Variants in CAMSAP2 observed in about 807,000 individuals in gnomAD.
CAMSAP2 encodes the protein calmodulin-regulated spectrin-associated protein 2.
CAMSAP2 carries 26 observed loss-of-function variants against 146.1 expected under a neutral mutation model. The observed-to-expected ratio is 0.18, with a 90% CI of 0.13 to 0.25. CAMSAP2 has a LOEUF of 0.25. Among genes scored for constraint, CAMSAP2 ranks in the 10% least tolerant of loss-of-function variants. The pLI is 1.00. For synonymous variants in CAMSAP2, 499 were observed against 596.6 expected (o/e 0.84, Z 2.38); for missense variants, 1,381 against 1,759.3 (o/e 0.78, Z 3.85).
rs560063940 is a variant in CAMSAP2, at chr1:200,817,177, T to C, written c.645+1533T>C. On this transcript the variant is annotated intron_variant, in intron 4 of 16. Transcript: ENST00000358823. ...ACACATACACACACGTGTGTGTATATACACACACACACATGTGTGTGTGTA... is the reference window on the plus strand; with the variant it reads ...ACACATACACACACGTGTGTGTATACACACACACACACATGTGTGTGTGTA... 8.4e-3 allele frequency among the ~76,000 whole-genome samples: 455 copies of C among 54,220 alleles called. 4 individuals are homozygous for C. The highest frequency in any genetic ancestry group is 0.011 in the African/African-American group (95 of 8,698). 35.6% of individuals were successfully genotyped at this position (54,220 alleles called of 152,430 possible).
chr1:200,807,339 A>G lies in CAMSAP2; in HGVS notation c.400-37A>G, dbSNP rs556798899. ...TATGTAAAAAGCAATTTCTAAATAT[A>G]ATTTTTAAACTATTTGTTCTTGTTT... On this transcript the variant is annotated intron_variant, in intron 2 of 16. Coordinates refer to ENST00000358823, the MANE Select transcript of CAMSAP2 (RefSeq NM_203459.4). The G allele has an allele frequency of 2.1e-5, 29 of 1,401,170 alleles. No homozygotes were observed. In the South Asian group the frequency reaches 5.3e-4, roughly 26 times the overall value. The allele number at this position is 1,401,170 out of a possible 1,614,324, so 86.8% of individuals were successfully genotyped here.
At chr1:200,822,493 T>G (rs1254819346) in intron 4 of CAMSAP2, among the ~76,000 whole-genome samples, 3 of 152,230 alleles carry the variant, frequency 2.0e-5, no homozygotes, top group Non-Finnish European at 4.4e-5. Flanking sequence ...TTCCTCATTA[T>G]TAGATGAAGG....
In CAMSAP2 at chr1:200,739,753, T is replaced by C. The variant is rs1331474177; in HGVS notation, c.-75T>C. 1 of 828,932 alleles carries C rather than the reference T, an allele frequency of 1.2e-6. No homozygotes were observed. The highest frequency in any genetic ancestry group is 1.8e-6 in the Non-Finnish European group (1 of 552,194). 51.3% of individuals were successfully genotyped at this position (828,932 alleles called of 1,614,324 possible). A position where few individuals can be genotyped will look rare whatever the true frequency, so the allele number is the denominator to read the frequency against. On this transcript the variant is annotated 5_prime_UTR_variant, in exon 1 of 17. Coordinates refer to ENST00000358823, the MANE Select transcript of CAMSAP2 (RefSeq NM_203459.4). The surrounding 1 kb of genome is among the most constrained non-coding windows in gnomAD (Gnocchi z 4.8). The stretch of plus-strand genomic sequence containing the variant: ...TGGTTTGAGCTTGCTTCTCCCTCCC[T>C]CCCGACCCCCGTGGTGGCGAGGCCA...
intron 3 of CAMSAP2, among the ~76,000 whole-genome samples, chr1:200,815,282 C>A (rs1297210717): frequency 1.3e-5 from 2 of 152,130 alleles, no homozygotes; most frequent in African/African-American, 4.8e-5. Context: ...ACTGACATTA[C>A]CAAGTACCTT....
chr1:200,785,855 T>A (rs1169309567), intron 2 of CAMSAP2, among the ~76,000 whole-genome samples: 1 of 152,030 alleles, frequency 6.6e-6, no homozygotes, highest in Non-Finnish European at 1.5e-5. Flanking sequence ...TCCTGGCTAA[T>A]TTTTTGTATT....
chr1:200,833,794 T>C (rs543241778), intron 6 of CAMSAP2, among the ~76,000 whole-genome samples: 1 of 152,308 alleles, frequency 6.6e-6, no homozygotes, highest in African/African-American at 2.4e-5. Context: ...ATATATGATA[T>C]GTATAGTTAA....
intron 1 of CAMSAP2, among the ~76,000 whole-genome samples, chr1:200,742,866 G>A (rs952277160): frequency 6.6e-6 from 1 of 151,924 alleles, no homozygotes; most frequent in Non-Finnish European, 1.5e-5. Flanking sequence ...CACTGATGTT[G>A]TAATACCTAG....
Position 200,739,087 on chromosome 1 carries a change from A to G in CAMSAP2, c.-741A>G, listed in dbSNP as rs1664067406. ...CCGGCCACCACCTTCGCCGTCAGCA[A>G]GGGAGGAAGACCCGGGAGACGGCAG... On this transcript the variant is annotated 5_prime_UTR_variant, in exon 1 of 17. Transcript: ENST00000358823. This position sits in a 1 kb window ranked among gnomAD's most constrained non-coding sequence, Gnocchi z 4.8. 6.6e-6 allele frequency among the ~76,000 whole-genome samples: 1 copy of G among 151,836 alleles called. No individual in the cohort carries two copies.
chr1:200,815,565 A>G lies in CAMSAP2; in HGVS notation c.566A>G (p.Asn189Ser), dbSNP rs41308391. 2 of 1,509,106 alleles carry G rather than the reference A, an allele frequency of 1.3e-6. No homozygotes were observed. The highest frequency in any genetic ancestry group is 1.8e-6 in the Non-Finnish European group (2 of 1,112,482). The allele number at this position is 1,509,106 out of a possible 1,614,324, so 93.5% of individuals were successfully genotyped here. A position where few individuals can be genotyped will look rare whatever the true frequency, so the allele number is the denominator to read the frequency against. The change falls in exon 4 of 17, where the codon AAT becomes AGT. Residue 189 changes from asparagine to serine, a missense_variant. By Grantham distance (46) the Asn-to-Ser change is conservative. Coordinates refer to ENST00000358823, the MANE Select transcript of CAMSAP2 (RefSeq NM_203459.4). ...CTGATATTTTTATATTTTAAGGTAA[A>G]TGAACATTTGAAAGACATAATGGAA... ...DAVMYWINKV[N>S]EHLKDIMEQE...
At chr1:200,773,662 T>C (rs913296498) in intron 2 of CAMSAP2, among the ~76,000 whole-genome samples, 1 of 152,138 alleles carries the variant, frequency 6.6e-6, no homozygotes, top group African/African-American at 2.4e-5. Flanking sequence ...ACCTGGCCTA[T>C]TGTGGAGTAA....
At chr1:200,797,078 C>T (rs1441019415) in intron 2 of CAMSAP2, among the ~76,000 whole-genome samples, 1 of 152,048 alleles carries the variant, frequency 6.6e-6, no homozygotes, top group Non-Finnish European at 1.5e-5. Flanking sequence ...CATTGTTGGA[C>T]ATTTGGGTTG....
chr1:200,768,945 G>C (rs955464811), intron 2 of CAMSAP2, among the ~76,000 whole-genome samples: 2 of 152,182 alleles, frequency 1.3e-5, no homozygotes, highest in Non-Finnish European at 2.9e-5. Flanking sequence ...GAGCCACTGT[G>C]CCTGGCTGGA....
At chr1:200,824,709 T>C (rs1486659852) in intron 4 of CAMSAP2, among the ~76,000 whole-genome samples, 3 of 152,222 alleles carry the variant, frequency 2.0e-5, no homozygotes, top group African/African-American at 7.2e-5. Context: ...CCGGGCATGG[T>C]GGCTCAAGCC....
chr1:200,787,170 T>C (rs1402184313), intron 2 of CAMSAP2, among the ~76,000 whole-genome samples: 1 of 152,222 alleles, frequency 6.6e-6, no homozygotes, highest in African/African-American at 2.4e-5. Context: ...GGGAGTAATA[T>C]TGAATTTCAA....
chr1:200,752,427 C>G (rs1664531945), intron 1 of CAMSAP2, among the ~76,000 whole-genome samples: 1 of 152,002 alleles, frequency 6.6e-6, no homozygotes, highest in Non-Finnish European at 1.5e-5. Flanking sequence ...AATTAACACT[C>G]TTATATGTCT....
chr1:200,817,323 A>G (rs932814262), intron 4 of CAMSAP2, among the ~76,000 whole-genome samples: 15 of 147,524 alleles, frequency 1.0e-4, no homozygotes, highest in Non-Finnish European at 7.6e-5. Flanking sequence ...TGTTCTGTGA[A>G]GAAAGAAGAA....
intron 4 of CAMSAP2, among the ~76,000 whole-genome samples, chr1:200,825,349 T>C (rs547541978): frequency 3.3e-4 from 51 of 152,316 alleles, no homozygotes; most frequent in Admixed American, 6.5e-4. Context: ...CCAGCCCTTC[T>C]AAATGGACCA....
At chr1:200,800,706 A>G (rs1035815587) in intron 2 of CAMSAP2, among the ~76,000 whole-genome samples, 1 of 152,154 alleles carries the variant, frequency 6.6e-6, no homozygotes, top group Non-Finnish European at 1.5e-5. Context: ...TCCTGTCATT[A>G]TGATGCTAGC....
rs1665351554 is a variant in CAMSAP2 at position 200,778,770 on chromosome 1, A to G, written c.399+17672A>G. Among the ~76,000 whole-genome samples the G allele has an allele frequency of 2.0e-5, 3 of 151,730 alleles. No homozygotes were observed. The South Asian group carries it at 6.2e-4, about 31-fold the overall frequency. ...CTACAGTAGATTTAGGTTGTTCCTC[A>G]TTTTTTTTCATTATATATTAATAGT... On this transcript the variant is annotated intron_variant, in intron 2 of 16. Transcript: ENST00000358823.
Sources: gnomAD v4.1 joint callset for allele counts (sites outside exome capture counted in the v4.1 genomes callset) on GRCh38, gnomAD v4.1.1 for gene constraint, Gnocchi (gnomAD v3.1) non-coding constraint, MANE v1.5 for transcripts, NCBI Gene and HGNC (gene_info 2026-07-23, HGNC 2026-07-21) for gene names.